Variants in ARHGEF18 observed in about 807,000 individuals in gnomAD.
The protein encoded by ARHGEF18 is Rho/Rac guanine nucleotide exchange factor 18.
A neutral mutation model predicts 155.7 loss-of-function variants in ARHGEF18; 93 were observed. The ratio of observed to expected loss-of-function variants is 0.60; its 90% confidence interval spans 0.50 to 0.71. The LOEUF (loss-of-function observed/expected upper bound fraction) is 0.71, where lower values mean the gene tolerates loss of function less well. Among genes scored for constraint, ARHGEF18 ranks in the 30% least tolerant of loss-of-function variants. The pLI, the probability that ARHGEF18 is intolerant of heterozygous loss-of-function variation, is 0.00. For missense variants in ARHGEF18, 1,593 were observed against 1,816.1 expected (o/e 0.88, Z 2.23); for synonymous variants, 742 against 753.1 (o/e 0.99, Z 0.24).
At chr19:7,354,004 C>T (rs898140648) in intron 1 of ARHGEF18, among the ~76,000 whole-genome samples, 10 of 151,600 alleles carry the variant, frequency 6.6e-5, no homozygotes, top group African/African-American at 2.4e-4. Context: ...ATAGATATCC[C>T]TGTTGTATTT....
intron 3 of ARHGEF18, among the ~76,000 whole-genome samples, chr19:7,373,836 C>T (rs1425585543): frequency 2.7e-5 from 4 of 147,260 alleles, no homozygotes; most frequent in East Asian, 2.0e-4. Flanking sequence ...ATACAGTTCC[C>T]GCTCCTATGA....
chr19:7,455,883 C>T (rs1207730494), intron 17 of ARHGEF18, among the ~76,000 whole-genome samples: 1 of 152,204 alleles, frequency 6.6e-6, no homozygotes, highest in Admixed American at 6.5e-5. Flanking sequence ...GACTCATTCA[C>T]TATCACGAGA....
chr19:7,446,933 G>A, intron 14 of ARHGEF18, 110 bp from the exon 15 acceptor site: 1 of 1,285,510 alleles, frequency 7.8e-7, no homozygotes, highest in Non-Finnish European at 1.1e-6. Flanking sequence ...AAAGAAAATG[G>A]AATTGCAAAT....
At chr19:7,465,445 G>A (rs1976554894) in intron 23 of ARHGEF18, among the ~76,000 whole-genome samples, 1 of 141,650 alleles carries the variant, frequency 7.1e-6, no homozygotes, top group Non-Finnish European at 1.5e-5. Flanking sequence ...GTCTCACTCT[G>A]TCACCCAGGC....
chr19:7,381,684 A>AAAT (rs1239823513), intron 8 of ARHGEF18, among the ~76,000 whole-genome samples: 7 of 138,018 alleles, frequency 5.1e-5, no homozygotes, highest in Admixed American at 7.2e-5. Context: ...TCTCAAAAAT[A>AAAT]AATAAATAAT....
chr19:7,471,725 CCTGGGCAGAGGCGCCCA>C lies in ARHGEF18; in HGVS notation c.*1433_*1449del, dbSNP rs1977031322. On this transcript the variant is annotated 3_prime_UTR_variant, in exon 29 of 29. Coordinates refer to ENST00000668164, the MANE Select transcript of ARHGEF18 (RefSeq NM_001367823.1). This position sits in a 1 kb window ranked among gnomAD's most constrained non-coding sequence, Gnocchi z 4.4. ...GGGAAACTCCATCAGGAAGTGCTCC[CCTGGGCAGAGGCGCCCA>C]CTGGGTGCTGTGGGCTCAGGAGGGG... 1 of 152,266 alleles carries C rather than the reference CCTGGGCAGAGGCGCCCA, an allele frequency of 6.6e-6. No individual in the cohort carries two copies. Among genetic ancestry groups the C allele is most frequent in the African/African-American group, 2.4e-5 (1 of 41,456 alleles). 9.4% of individuals were successfully genotyped at this position (152,266 alleles called of 1,614,324 possible).
At chr19:7,430,849 T>G (rs1350197463) in intron 10 of ARHGEF18, among the ~76,000 whole-genome samples, 2 of 151,846 alleles carry the variant, frequency 1.3e-5, no homozygotes, top group Admixed American at 6.6e-5. Flanking sequence ...CCCACATCCA[T>G]AGACAATAAA....
chr19:7,366,731 TC>T (rs1969903370), intron 2 of ARHGEF18, among the ~76,000 whole-genome samples: 1 of 152,112 alleles, frequency 6.6e-6, no homozygotes, highest in African/African-American at 2.4e-5. Context: ...AGAGGAAGGG[TC>T]CTGACTCCTG....
At position 7,369,291 on chromosome 19, in the gene ARHGEF18, A is replaced by G. The variant is rs949784937; in HGVS notation, c.16-3521A>G. Among the ~76,000 whole-genome samples, 15 of 151,852 alleles carry G rather than the reference A, an allele frequency of 9.9e-5. No homozygotes were observed. The South Asian group carries it at 1.5e-3, about 15-fold the overall frequency. On this transcript the variant is annotated intron_variant, in intron 2 of 28. Transcript: ENST00000668164. The stretch of plus-strand genomic sequence containing the variant: ...AGCCTGGGCAACATGGAGAAACCCT[A>G]TCTCTACTAAAAATACGAAATTAGC...
In ARHGEF18 at chr19:7,453,928, CA is replaced by C. The variant is rs1822886560; in HGVS notation, c.2104+214del. 3.3e-5 allele frequency among the ~76,000 whole-genome samples: 5 copies of C among 152,154 alleles called. No homozygotes were observed. The South Asian group carries it at 1.0e-3, about 32-fold the overall frequency. ...GGTACCATTTTGGAGTGTTGGTTCC[CA>C]TTTTTTATTGGTGGGTGCCATGTTG... is the stretch of plus-strand genomic sequence containing the variant. On this transcript the variant is annotated intron_variant, in intron 17 of 28. Coordinates refer to ENST00000668164, the MANE Select transcript of ARHGEF18 (RefSeq NM_001367823.1).
intron 10 of ARHGEF18, among the ~76,000 whole-genome samples, chr19:7,427,538 G>C (rs1252685545): frequency 6.6e-6 from 1 of 151,824 alleles, no homozygotes; most frequent in Non-Finnish European, 1.5e-5. Context: ...CCAGCTACTT[G>C]GGAGGTTGAG....
intron 26 of ARHGEF18, among the ~76,000 whole-genome samples, 161 bp from the exon 27 acceptor site, chr19:7,468,653 GCACATTTAGCA>G (rs1976813350): frequency 2.0e-5 from 3 of 152,250 alleles, no homozygotes; most frequent in Non-Finnish European, 2.9e-5. Context: ...CCACAAGTCT[GCACATTTAGCA>G]GGGGTTGGGG....
At chr19:7,477,057 T>A, downstream of ARHGEF18, 1 of 689,976 alleles carries the variant, frequency 1.4e-6, no homozygotes, top group Non-Finnish European at 2.1e-6. Context: ...CTGGGGGACC[T>A]CGCATCAGTC....
At position 7,456,391 on chromosome 19, in the gene ARHGEF18, C is replaced by A; in HGVS notation, c.2169C>A (p.Val723=). 6.2e-7 allele frequency: 1 copy of A among 1,614,038 alleles called. No individual in the cohort carries two copies. Among genetic ancestry groups the A allele is most frequent in the Non-Finnish European group, 8.5e-7 (1 of 1,179,928 alleles). Residue 723 remains valine (V), a synonymous_variant, in exon 18 of 29, where the codon GTC becomes GTA. Coordinates refer to ENST00000668164, the MANE Select transcript of ARHGEF18 (RefSeq NM_001367823.1). The part of the protein sequence containing the change: ...LLLQEKDQKY[V]FASVDSKPPV... ...TACAAGAAAAAGATCAGAAATACGTCTTTGCTTCTGTGGTATGTATCCTGT... is the reference window on the plus strand; with the variant it reads ...TACAAGAAAAAGATCAGAAATACGTATTTGCTTCTGTGGTATGTATCCTGT...
chr19:7,402,175 C>T (rs748067072), intron 10 of ARHGEF18, among the ~76,000 whole-genome samples: 4 of 152,148 alleles, frequency 2.6e-5, no homozygotes, highest in Non-Finnish European at 4.4e-5. Flanking sequence ...AATCCCAGCA[C>T]TTTGGGAGGC....
rs941019531 is a variant in ARHGEF18, at chr19:7,458,760, C to T, written c.2360+70C>T. ...CTGATTGGTCCACCCTTGGCTTCGA[C>T]CGTTGGCCATCAGCTGTGACCTTGA... On this transcript the variant is annotated intron_variant, in intron 19 of 28. Coordinates refer to ENST00000668164, the MANE Select transcript of ARHGEF18 (RefSeq NM_001367823.1). 4 of 1,500,144 alleles carry T rather than the reference C, an allele frequency of 2.7e-6. No individual in the cohort carries two copies. In the Admixed American group the frequency reaches 8.5e-5, roughly 32 times the overall value. The allele number at this position is 1,500,144 out of a possible 1,614,324, so 92.9% of individuals were successfully genotyped here.
At chr19:7,441,109 T>C (rs1026603034) in intron 11 of ARHGEF18, among the ~76,000 whole-genome samples, 9 of 150,616 alleles carry the variant, frequency 6.0e-5, no homozygotes, top group Non-Finnish European at 1.2e-4. Flanking sequence ...TAACTAAACA[T>C]TAAAGGAAGT....
the ARHGEF18 span, among the ~76,000 whole-genome samples, chr19:7,477,676 G>A: frequency 1.3e-5 from 2 of 152,158 alleles, no homozygotes; most frequent in South Asian, 2.1e-4. Flanking sequence ...CTCACTCCTC[G>A]TCCTGAACAC....
chr19:7,421,617 C>G (rs780219132), intron 10 of ARHGEF18, among the ~76,000 whole-genome samples: 2 of 152,032 alleles, frequency 1.3e-5, no homozygotes, highest in Admixed American at 6.6e-5. Flanking sequence ...CAAAAATTAG[C>G]CAGGCATGGT....
Sources: allele counts gnomAD v4.1 joint callset (sites outside exome capture counted in the v4.1 genomes callset), GRCh38; gene constraint gnomAD v4.1.1; non-coding constraint Gnocchi (gnomAD v3.1); transcripts MANE v1.5; gene names NCBI Gene and HGNC (gene_info 2026-07-23, HGNC 2026-07-21).